Variants in GPC5 observed in about 807,000 individuals in gnomAD.
GPC5 encodes glypican 5, also known as glypican-5.
A neutral mutation model predicts 53.9 loss-of-function variants in GPC5; 47 were observed. That is an observed-to-expected ratio of 0.87 (90% CI 0.69 to 1.11). The LOEUF (loss-of-function observed/expected upper bound fraction) is 1.11. Among genes scored for constraint, GPC5 ranks in the 50% most tolerant of loss-of-function variants. The probability of loss-of-function intolerance (pLI) is 0.00; values close to 1 mark genes in which losing one functional copy is unlikely to be tolerated. For synonymous variants in GPC5, 286 were observed against 263.3 expected, an observed-to-expected ratio of 1.09 and a Z score of -0.84; for missense variants, 748 against 713.1, an observed-to-expected ratio of 1.05 and a Z score of -0.56.
intron 7 of GPC5, among the ~76,000 whole-genome samples, chr13:92,674,032 C>A (rs1160148487): frequency 3.3e-5 from 5 of 152,106 alleles, no homozygotes; most frequent in African/African-American, 4.8e-5. Context: ...ACTTAAGGGA[C>A]CTATTTCAGC....
intron 2 of GPC5, among the ~76,000 whole-genome samples, chr13:91,515,868 G>A (rs1356282575): frequency 2.6e-5 from 4 of 152,096 alleles, no homozygotes; most frequent in Admixed American, 2.6e-4. Flanking sequence ...CATATGGCTG[G>A]GGAGGTCTCA....
At chr13:91,779,133 ATAT>A (rs139725121) in intron 5 of GPC5, among the ~76,000 whole-genome samples, 5,772 of 152,312 alleles carry the variant, frequency 0.038, 140 homozygotes, top group Middle Eastern at 0.065. Context: ...ACTACTGTAG[ATAT>A]TATAAATACT....
intron 6 of GPC5, among the ~76,000 whole-genome samples, chr13:92,086,343 C>T (rs559482134): frequency 1.1e-4 from 17 of 152,326 alleles, no homozygotes; most frequent in African/African-American, 3.6e-4. Context: ...CTCTGGGTGA[C>T]ATTAGCGCAT....
At chr13:91,758,460 T>C (rs1263602662) in intron 5 of GPC5, among the ~76,000 whole-genome samples, 2 of 152,134 alleles carry the variant, frequency 1.3e-5, no homozygotes, top group Non-Finnish European at 1.5e-5. Context: ...AGAACCTTAA[T>C]CTGAATTTAT....
intron 6 of GPC5, among the ~76,000 whole-genome samples, chr13:92,034,208 A>T (rs2040875572): frequency 6.6e-6 from 1 of 152,162 alleles, no homozygotes; most frequent in Non-Finnish European, 1.5e-5. Context: ...AATCAAAAGG[A>T]AAGCAGGCCA....
At chr13:92,195,029 C>T (rs2042247564) in intron 7 of GPC5, among the ~76,000 whole-genome samples, 1 of 152,158 alleles carries the variant, frequency 6.6e-6, no homozygotes, top group African/African-American at 2.4e-5. Flanking sequence ...GTTTGTATTA[C>T]ATTACAGATA....
At chr13:92,426,901 A>G (rs905435998) in intron 7 of GPC5, among the ~76,000 whole-genome samples, 2 of 152,028 alleles carry the variant, frequency 1.3e-5, no homozygotes, top group African/African-American at 4.8e-5. Flanking sequence ...TGTGAAAACA[A>G]GAAGAAAAAG....
chr13:92,481,783 G>C (rs1879366208), intron 7 of GPC5, among the ~76,000 whole-genome samples: 1 of 152,108 alleles, frequency 6.6e-6, no homozygotes, highest in Non-Finnish European at 1.5e-5. Context: ...GAAGGGGGTT[G>C]AAGACAAGTG....
intron 1 of GPC5, among the ~76,000 whole-genome samples, chr13:91,413,422 A>G (rs1435962140): frequency 6.6e-6 from 1 of 152,246 alleles, no homozygotes; most frequent in African/African-American, 2.4e-5. Context: ...ACAGAATGCC[A>G]TTAGTCGTAG....
intron 6 of GPC5, among the ~76,000 whole-genome samples, chr13:91,934,937 G>C (rs757644606): frequency 1.3e-5 from 2 of 151,958 alleles, no homozygotes; most frequent in Non-Finnish European, 2.9e-5. Flanking sequence ...ACGCATAATA[G>C]ATAAGTGATT....
chr13:91,668,011 T>G (rs1412312), intron 2 of GPC5, among the ~76,000 whole-genome samples: 36,936 of 152,146 alleles, frequency 0.24, 6,082 homozygotes, highest in African/African-American at 0.46. Context: ...TGTTAATATT[T>G]CATGTCTTTA....
chr13:92,551,556 G>C (rs911815096), intron 7 of GPC5, among the ~76,000 whole-genome samples: 1 of 151,868 alleles, frequency 6.6e-6, no homozygotes. Context: ...TTAAGAGTCA[G>C]ATAAATGCTT....
intron 7 of GPC5, among the ~76,000 whole-genome samples, chr13:92,380,067 G>C (rs759551917): frequency 2.6e-5 from 4 of 152,156 alleles, no homozygotes; most frequent in African/African-American, 4.8e-5. Flanking sequence ...TATCGTGCAG[G>C]CTGCTTTGAT....
At chr13:91,476,592 A>G (rs1882942077) in intron 2 of GPC5, among the ~76,000 whole-genome samples, 1 of 152,228 alleles carries the variant, frequency 6.6e-6, no homozygotes, top group Non-Finnish European at 1.5e-5. Flanking sequence ...TTTCTTCAAT[A>G]GTGATGCAGA....
At chr13:91,746,316 T>G (rs1198110150) in intron 4 of GPC5, among the ~76,000 whole-genome samples, 1 of 152,176 alleles carries the variant, frequency 6.6e-6, no homozygotes, top group African/African-American at 2.4e-5. Context: ...GGTTCTGTAT[T>G]ATGTGTGGAC....
chr13:92,183,378 A>G (rs1027084131), intron 7 of GPC5, among the ~76,000 whole-genome samples: 2 of 151,860 alleles, frequency 1.3e-5, no homozygotes, highest in Admixed American at 6.6e-5. Flanking sequence ...TCTTTTTTTT[A>G]TGTAGATACA....
At chr13:91,881,890 T>C (rs1406313682) in intron 5 of GPC5, among the ~76,000 whole-genome samples, 1 of 152,178 alleles carries the variant, frequency 6.6e-6, no homozygotes, top group Non-Finnish European at 1.5e-5. Context: ...AGCATCTGGA[T>C]AAACCTAATC....
chr13:92,407,855 T>A (rs1215993184), intron 7 of GPC5, among the ~76,000 whole-genome samples: 2 of 152,172 alleles, frequency 1.3e-5, no homozygotes, highest in Non-Finnish European at 1.5e-5. Flanking sequence ...AAGATAAAGA[T>A]AATAACTAAT....
intron 6 of GPC5, among the ~76,000 whole-genome samples, chr13:91,944,845 A>G (rs1254360511): frequency 6.6e-6 from 1 of 152,210 alleles, no homozygotes; most frequent in Non-Finnish European, 1.5e-5. Flanking sequence ...AAAGATAAGG[A>G]TAACCACTGG....
Sources: gnomAD v4.1 joint callset for allele counts (sites outside exome capture counted in the v4.1 genomes callset) on GRCh38, gnomAD v4.1.1 for gene constraint, MANE v1.5 for transcripts, NCBI Gene and HGNC (gene_info 2026-07-23, HGNC 2026-07-21) for gene names.